Variants in TBC1D5 observed in about 807,000 individuals in gnomAD.
The protein encoded by TBC1D5 is TBC1 domain family, member 5.
TBC1D5 carries 75 observed loss-of-function variants against 100.3 expected under a neutral mutation model. The observed-to-expected ratio is 0.75, with a 90% confidence interval of 0.62 to 0.91. The LOEUF (loss-of-function observed/expected upper bound fraction) is 0.91, where lower values mean the gene tolerates loss of function less well. TBC1D5 is among the 40% of genes least tolerant of loss of function. TBC1D5 has a pLI of 0.00. For synonymous variants in TBC1D5, 323 were observed against 325.6 expected (o/e 0.99, Z 0.09); for missense variants, 910 against 942.4 (o/e 0.97, Z 0.45).
chr3:17,627,512 A>G (rs1175528212), intron 1 of TBC1D5, among the ~76,000 whole-genome samples: 1 of 152,232 alleles, frequency 6.6e-6, no homozygotes, highest in Non-Finnish European at 1.5e-5. Flanking sequence ...GAATGACTAT[A>G]TAAGAGAGTT....
intron 2 of TBC1D5, among the ~76,000 whole-genome samples, chr3:17,549,098 G>C (rs894627177): frequency 6.6e-6 from 1 of 152,116 alleles, no homozygotes; most frequent in African/African-American, 2.4e-5. Context: ...AGGAGTTAGA[G>C]ACCAGCCTGA....
At chr3:17,527,336 C>A (rs955140642) in intron 2 of TBC1D5, among the ~76,000 whole-genome samples, 4 of 152,034 alleles carry the variant, frequency 2.6e-5, no homozygotes, top group African/African-American at 9.7e-5. Context: ...ACAGCAAATG[C>A]AGAAGACCAT....
intron 1 of TBC1D5, among the ~76,000 whole-genome samples, chr3:17,666,581 T>TA (rs2067276602): frequency 1.3e-5 from 2 of 152,194 alleles, no homozygotes; most frequent in African/African-American, 4.8e-5. Flanking sequence ...CCCTTCAAGT[T>TA]AGACTTGAAA....
chr3:17,256,079 G>A (rs2077641965), intron 16 of TBC1D5, among the ~76,000 whole-genome samples: 1 of 152,062 alleles, frequency 6.6e-6, no homozygotes, highest in Non-Finnish European at 1.5e-5. Context: ...AGATTAAAAA[G>A]TCTTCAAGTA....
At chr3:17,159,258 A>AATT (rs1248884474) in exon 22 of TBC1D5, 1 of 152,186 alleles carries the variant, frequency 6.6e-6, no homozygotes, top group African/African-American at 2.4e-5. Flanking sequence ...TTGCAGAACC[A>AATT]ATTAGAACCC....
At chr3:17,332,740 A>G (rs2087050504) in intron 13 of TBC1D5, among the ~76,000 whole-genome samples, 1 of 152,190 alleles carries the variant, frequency 6.6e-6, no homozygotes. Flanking sequence ...GAAGAAATCA[A>G]TGGTTTCAAA....
chr3:17,485,162 G>A (rs999616936), intron 3 of TBC1D5, among the ~76,000 whole-genome samples: 12 of 152,000 alleles, frequency 7.9e-5, no homozygotes, highest in African/African-American at 2.4e-4. Context: ...CCGAAATAAG[G>A]AATGGGTTTA....
chr3:17,297,658 A>G (rs560859929), intron 14 of TBC1D5, among the ~76,000 whole-genome samples: 2 of 152,088 alleles, frequency 1.3e-5, no homozygotes, highest in African/African-American at 4.8e-5. Context: ...TCACAACTCA[A>G]TGAAGCCTTG....
At chr3:17,193,487 G>A (rs1177390513) in intron 18 of TBC1D5, among the ~76,000 whole-genome samples, 1 of 152,118 alleles carries the variant, frequency 6.6e-6, no homozygotes, top group Non-Finnish European at 1.5e-5. Context: ...TGCTTGCCGT[G>A]GGTGCGACAT....
At chr3:17,297,479 C>T (rs866077846) in intron 14 of TBC1D5, among the ~76,000 whole-genome samples, 8 of 151,312 alleles carry the variant, frequency 5.3e-5, no homozygotes, top group Admixed American at 1.3e-4. Flanking sequence ...GGGAGGCTGA[C>T]GCAGGAGAAT....
chr3:17,601,510 T>A (rs1576952231), intron 2 of TBC1D5, among the ~76,000 whole-genome samples: 1 of 152,234 alleles, frequency 6.6e-6, no homozygotes, highest in East Asian at 1.9e-4. Flanking sequence ...AAACTCCGTC[T>A]CAAAATCAAA....
chr3:17,685,239 T>A (rs2070091806), intron 1 of TBC1D5, among the ~76,000 whole-genome samples: 2 of 151,986 alleles, frequency 1.3e-5, no homozygotes, highest in Non-Finnish European at 2.9e-5. Flanking sequence ...GACTATACTT[T>A]TGCCTTAGAG....
chr3:17,316,935 G>A (rs1472144045), intron 13 of TBC1D5, among the ~76,000 whole-genome samples: 1 of 152,054 alleles, frequency 6.6e-6, no homozygotes, highest in East Asian at 1.9e-4. Flanking sequence ...CAGTGTGGCA[G>A]GTACTGTGCT....
At chr3:17,345,406 A>G (rs1265407414) in intron 13 of TBC1D5, among the ~76,000 whole-genome samples, 2 of 152,100 alleles carry the variant, frequency 1.3e-5, no homozygotes, top group African/African-American at 4.8e-5. Flanking sequence ...CAATCATTAA[A>G]AAGTCAGGAA....
At chr3:17,157,648 G>A in exon 22 of TBC1D5, 1 of 152,256 alleles carries the variant, frequency 6.6e-6, no homozygotes, top group Non-Finnish European at 1.5e-5. Flanking sequence ...CACTCTATGT[G>A]GGGACCTAAG....
At chr3:17,691,449 T>C (rs2071142359) in intron 1 of TBC1D5, among the ~76,000 whole-genome samples, 1 of 152,172 alleles carries the variant, frequency 6.6e-6, no homozygotes, top group Non-Finnish European at 1.5e-5. Flanking sequence ...GGAGATCCAA[T>C]AAATTCCATA....
chr3:17,350,225 C>T (rs1282363622), intron 13 of TBC1D5, among the ~76,000 whole-genome samples: 1 of 149,936 alleles, frequency 6.7e-6, no homozygotes, highest in South Asian at 2.1e-4. Context: ...AACTACTCCC[C>T]AAAAGAAAGA....
chr3:17,639,457 C>A (rs1195320316), intron 1 of TBC1D5, among the ~76,000 whole-genome samples: 5 of 148,226 alleles, frequency 3.4e-5, no homozygotes, highest in African/African-American at 1.0e-4. Context: ...GACAGCCACA[C>A]AATTTGGTTA....
At chr3:17,557,757 TA>T (rs2096531561) in intron 2 of TBC1D5, among the ~76,000 whole-genome samples, 1 of 152,174 alleles carries the variant, frequency 6.6e-6, no homozygotes, top group Non-Finnish European at 1.5e-5. Context: ...CAGCCATAGG[TA>T]AATTTTTTTT....
Sources: allele counts gnomAD v4.1 joint callset (sites outside exome capture counted in the v4.1 genomes callset), GRCh38; gene constraint gnomAD v4.1.1; transcripts MANE v1.5; gene names NCBI Gene and HGNC (gene_info 2026-07-23, HGNC 2026-07-21).